ATL1: variants seen among roughly 807,000 people sequenced by gnomAD.
The protein encoded by ATL1 is atlastin GTPase 1, also known as atlastin-1.
A neutral mutation model predicts 75.5 loss-of-function variants in ATL1; 31 were observed. The observed-to-expected ratio is 0.41, with a 90% CI of 0.31 to 0.55. ATL1 has a LOEUF of 0.55. ATL1 is among the 20% of genes least tolerant of loss of function. The probability of loss-of-function intolerance (pLI) is 0.27; values close to 1 mark genes in which losing one functional copy is unlikely to be tolerated. For synonymous variants in ATL1, 226 were observed against 233.3 expected (o/e 0.97, Z 0.28); for missense variants, 405 against 662.6 (o/e 0.61, Z 4.27).
chr14:50,579,218 T>G lies in ATL1; in HGVS notation c.35-8613T>G, dbSNP rs1043101711. On this transcript the variant is annotated intron_variant, in intron 1 of 13. Coordinates refer to ENST00000358385, the MANE Select transcript of ATL1 (RefSeq NM_015915.5). Reference sequence around the variant, plus strand: ...GGCTCATTTTCCCCACACATGAATATTCAATGGATTTAGCATCATTTATTG... The same window carrying G: ...GGCTCATTTTCCCCACACATGAATAGTCAATGGATTTAGCATCATTTATTG... 3.3e-5 allele frequency among the ~76,000 whole-genome samples: 5 copies of G among 152,206 alleles called. No individual in the cohort carries two copies. The South Asian group carries it at 6.2e-4, about 19-fold the overall frequency.
chr14:50,594,675 T>G (rs531933878), intron 5 of ATL1, among the ~76,000 whole-genome samples: 2 of 152,192 alleles, frequency 1.3e-5, no homozygotes, highest in Admixed American at 1.3e-4. Context: ...GCACAGTATA[T>G]GTTTCTCCTC....
chr14:50,599,659 T>C (rs1436354872), intron 6 of ATL1, among the ~76,000 whole-genome samples: 1 of 152,118 alleles, frequency 6.6e-6, no homozygotes, highest in East Asian at 1.9e-4. Flanking sequence ...CAAAAGTGCA[T>C]AGAGTAGCAT....
chr14:50,614,586 T>C, intron 8 of ATL1, 75 bp downstream of exon 8: 1 of 1,491,908 alleles, frequency 6.7e-7, no homozygotes, highest in Non-Finnish European at 9.3e-7. Context: ...ATTGGGCTTA[T>C]GGCTGATAGT....
intron 6 of ATL1, among the ~76,000 whole-genome samples, chr14:50,607,650 C>T (rs1470482781): frequency 3.3e-5 from 5 of 151,944 alleles, no homozygotes; most frequent in African/African-American, 9.7e-5. Context: ...AAACTGATTA[C>T]ATGTATTAAA....
intron 1 of ATL1, among the ~76,000 whole-genome samples, chr14:50,537,794 A>AT (rs1409170372): frequency 6.6e-6 from 1 of 152,200 alleles, no homozygotes; most frequent in Non-Finnish European, 1.5e-5. Context: ...CATTTCTCCC[A>AT]TTTTGAATGG....
intron 6 of ATL1, among the ~76,000 whole-genome samples, chr14:50,600,061 T>C (rs1175016377): frequency 6.6e-6 from 1 of 151,976 alleles, no homozygotes; most frequent in African/African-American, 2.4e-5. Flanking sequence ...GATTTTCTTC[T>C]CTAACTTGTT....
At chr14:50,577,315 G>A (rs1169599962) in intron 1 of ATL1, among the ~76,000 whole-genome samples, 1 of 151,736 alleles carries the variant, frequency 6.6e-6, no homozygotes, top group Non-Finnish European at 1.5e-5. Context: ...GCCCCGCCTT[G>A]GCCTCCCAAA....
At chr14:50,565,259 C>T (rs932390113) in intron 1 of ATL1, among the ~76,000 whole-genome samples, 3 of 152,032 alleles carry the variant, frequency 2.0e-5, no homozygotes, top group African/African-American at 4.8e-5. Context: ...TACTGCACTC[C>T]AGCCTGGGCC....
intron 1 of ATL1, among the ~76,000 whole-genome samples, chr14:50,544,928 C>T (rs2038609525): frequency 8.4e-6 from 1 of 118,448 alleles, no homozygotes; most frequent in African/African-American, 3.6e-5. Flanking sequence ...CAGAGTGAGA[C>T]CCACTCTCAA....
chr14:50,538,775 A>G (rs984984219), intron 1 of ATL1, among the ~76,000 whole-genome samples: 1 of 152,156 alleles, frequency 6.6e-6, no homozygotes, highest in Non-Finnish European at 1.5e-5. Context: ...ATTCCTCACT[A>G]TCTATTGGTG....
chr14:50,578,100 A>G (rs931006718), intron 1 of ATL1, among the ~76,000 whole-genome samples: 1 of 152,138 alleles, frequency 6.6e-6, no homozygotes, highest in Admixed American at 6.5e-5. Context: ...GTAATAACAA[A>G]TGATTTCTGT....
intron 1 of ATL1, among the ~76,000 whole-genome samples, chr14:50,586,253 G>GT (rs2039100752): frequency 6.6e-6 from 1 of 152,178 alleles, no homozygotes; most frequent in Non-Finnish European, 1.5e-5. Flanking sequence ...CTGGGCTGCT[G>GT]TAACAGAAAA....
intron 1 of ATL1, among the ~76,000 whole-genome samples, chr14:50,576,280 CATTTTCAACATAT>C (rs147434266): frequency 0.028 from 4,247 of 152,248 alleles, 183 homozygotes; most frequent in African/African-American, 0.096. Flanking sequence ...GTATCAAATG[CATTTTCAACATAT>C]ATTTTCAACG....
At chr14:50,577,314 T>C (rs1411460504) in intron 1 of ATL1, among the ~76,000 whole-genome samples, 1 of 151,926 alleles carries the variant, frequency 6.6e-6, no homozygotes, top group Non-Finnish European at 1.5e-5. Flanking sequence ...TGCCCCGCCT[T>C]GGCCTCCCAA....
At chr14:50,626,622 T>C (rs976864673) in intron 11 of ATL1, among the ~76,000 whole-genome samples, 9 of 152,226 alleles carry the variant, frequency 5.9e-5, no homozygotes, top group African/African-American at 2.2e-4. Context: ...GTTTAGAATA[T>C]TTTTTATTGG....
chr14:50,576,207 C>G (rs1382196993), intron 1 of ATL1, among the ~76,000 whole-genome samples: 2 of 152,182 alleles, frequency 1.3e-5, no homozygotes, highest in East Asian at 3.8e-4. Flanking sequence ...CAGTTGTAGG[C>G]TAACGTGTTT....
At chr14:50,560,451 G>T (rs1034575036) in intron 1 of ATL1, 152 bp downstream of exon 1, 1 of 1,065,816 alleles carries the variant, frequency 9.4e-7, no homozygotes. Context: ...CTGTTTGGGC[G>T]GAGGAACCAT....
In ATL1 at chr14:50,533,967, T is replaced by G. The variant is rs373126216; in HGVS notation, c.-140+600T>G. 9.8e-5 allele frequency among the ~76,000 whole-genome samples: 15 copies of G among 152,364 alleles called. No individual in the cohort carries two copies. The East Asian group carries it at 2.9e-3, about 29-fold the overall frequency. On this transcript the variant is annotated intron_variant, in intron 1 of 13. Coordinates refer to the ATL1 transcript ENST00000441560. Reference sequence around the variant, plus strand: ...GCTCCATGGACAAAGCCTATGTGTTTGCTGCATTGAAAAAATTGTTGAAGA... The same window carrying G: ...GCTCCATGGACAAAGCCTATGTGTTGGCTGCATTGAAAAAATTGTTGAAGA...
chr14:50,559,876 GT>G, upstream of ATL1: 1 of 275,906 alleles, frequency 3.6e-6, no homozygotes. Context: ...GAATCATGCA[GT>G]ATATCGGTTT....
Sources: allele counts gnomAD v4.1 joint callset (sites outside exome capture counted in the v4.1 genomes callset), GRCh38; gene constraint gnomAD v4.1.1; transcripts MANE v1.5; gene names NCBI Gene and HGNC (gene_info 2026-07-23, HGNC 2026-07-21).